The following EML6 variants were observed in gnomAD, a reference collection of about 807,000 sequenced individuals.
EML6 encodes EMAP like 6.
A neutral mutation model predicts 240.1 loss-of-function variants in EML6; 154 were observed. The observed-to-expected ratio is 0.64, with a 90% CI of 0.56 to 0.73. EML6 has a LOEUF of 0.73. EML6 is among the 30% of genes least tolerant of loss of function. EML6 has a pLI of 0.00. For missense variants in EML6, 2,964 were observed against 2,474.6 expected (o/e 1.20, Z -4.20); for synonymous variants, 1,148 against 899.0 (o/e 1.28, Z -4.95).
At chr2:54,907,930 AGATAGATAGATAGATAAGATAGATAGAT>A (rs202211019) in intron 24 of EML6, among the ~76,000 whole-genome samples, 2,918 of 62,902 alleles carry the variant, frequency 0.046, 56 homozygotes, top group South Asian at 0.18. Flanking sequence ...ATAGATAGAT[AGATAGATAGATAGATAAGATAGATAGAT>A]AGATAGATAG....
At chr2:54,847,741 A>AG in intron 9 of EML6, 118 bp downstream of exon 9, 5 of 1,036,728 alleles carry the variant, frequency 4.8e-6, no homozygotes, top group East Asian at 2.7e-5. Context: ...TTCAAATAGG[A>AG]ATACTATAGA....
intron 28 of EML6, among the ~76,000 whole-genome samples, chr2:54,937,860 A>T (rs7560191): frequency 0.31 from 47,377 of 151,870 alleles, 7,667 homozygotes; most frequent in African/African-American, 0.34. Flanking sequence ...ATCATTATGG[A>T]ATCTCTGACT....
intron 2 of EML6, among the ~76,000 whole-genome samples, chr2:54,800,586 G>T (rs1322811315): frequency 6.6e-6 from 1 of 151,946 alleles, no homozygotes; most frequent in Non-Finnish European, 1.5e-5. Flanking sequence ...AAGATATAAC[G>T]GCACCCTCCA....
At chr2:54,865,225 A>T (rs1238017947) in intron 13 of EML6, among the ~76,000 whole-genome samples, 2 of 151,666 alleles carry the variant, frequency 1.3e-5, no homozygotes, top group East Asian at 3.9e-4. Context: ...ACAGTGGCTC[A>T]TTCCTGTAAT....
At chr2:54,868,090 T>G (rs1671065938) in intron 14 of EML6, 1 of 152,208 alleles carries the variant, frequency 6.6e-6, no homozygotes, top group Non-Finnish European at 1.5e-5. Flanking sequence ...GAATGTAAGA[T>G]ATCTCATAAG....
chr2:54,806,490 G>C (rs1169213205), intron 2 of EML6, among the ~76,000 whole-genome samples: 1 of 151,796 alleles, frequency 6.6e-6, no homozygotes, highest in African/African-American at 2.4e-5. Flanking sequence ...GCACGTGCCT[G>C]TAATCCCAAC....
intron 2 of EML6, among the ~76,000 whole-genome samples, chr2:54,747,759 A>T (rs572803643): frequency 3.3e-4 from 50 of 152,272 alleles, no homozygotes; most frequent in Non-Finnish European, 4.7e-4. Flanking sequence ...ATTTCATCCC[A>T]TGTTATTTAT....
intron 5 of EML6, among the ~76,000 whole-genome samples, chr2:54,823,352 C>T (rs1238686286): frequency 6.6e-6 from 1 of 152,074 alleles, no homozygotes; most frequent in Non-Finnish European, 1.5e-5. Flanking sequence ...TTAAGAGAGG[C>T]ATTGGTCACC....
At chr2:54,900,051 T>C (rs920313341) in intron 22 of EML6, among the ~76,000 whole-genome samples, 3 of 152,214 alleles carry the variant, frequency 2.0e-5, no homozygotes, top group African/African-American at 7.2e-5. Flanking sequence ...TCCTTCCTCT[T>C]CTCATTGAGA....
chr2:54,908,284 A>C (rs1246865563), intron 24 of EML6, among the ~76,000 whole-genome samples: 1 of 149,932 alleles, frequency 6.7e-6, no homozygotes. Context: ...ATCTCAGATC[A>C]CTGCAATCTG....
intron 17 of EML6, chr2:54,881,564 G>T (rs1671809147): frequency 6.7e-6 from 1 of 149,050 alleles, no homozygotes; most frequent in African/African-American, 2.5e-5. Context: ...CAGGAAAATC[G>T]CTTGAACCTG....
chr2:54,737,270 C>T (rs545079593), intron 2 of EML6, among the ~76,000 whole-genome samples: 3 of 152,154 alleles, frequency 2.0e-5, no homozygotes, highest in South Asian at 4.2e-4. Context: ...ACAGCAGCAG[C>T]GACAACAATA....
chr2:54,777,810 A>G lies in EML6; in HGVS notation c.198-35422A>G, dbSNP rs1194164193. Among the ~76,000 whole-genome samples, 4 of 152,192 alleles carry G rather than the reference A, an allele frequency of 2.6e-5. No individual in the cohort carries two copies. In the East Asian group the frequency reaches 7.7e-4, roughly 29 times the overall value. On this transcript the variant is annotated intron_variant, in intron 2 of 41. Transcript: ENST00000356458. ...TACCCATGTTTTCTTTGGTAAAGAA[A>G]CTATCTTAAAATCCAAGATGTGGGT... is the stretch of plus-strand genomic sequence containing the variant.
intron 24 of EML6, among the ~76,000 whole-genome samples, chr2:54,910,711 T>C (rs1673594207): frequency 6.6e-6 from 1 of 152,258 alleles, no homozygotes; most frequent in Non-Finnish European, 1.5e-5. Context: ...TTTATTCTTC[T>C]GTTATTTGAA....
rs1682871387 is a variant in EML6 at position 54,725,499 on chromosome 2, C to T, written c.197+241C>T. 6.6e-6 allele frequency among the ~76,000 whole-genome samples: 1 copy of T among 152,130 alleles called. No homozygotes were observed. The highest frequency in any genetic ancestry group is 2.1e-4 in the South Asian group (1 of 4,824). Reference sequence around the variant, plus strand: ...CTCCGGAATTCTGGCTTTTAAATCTCCAAGGAGTTGAGTGTTCTGATGCTT... The same window carrying T: ...CTCCGGAATTCTGGCTTTTAAATCTTCAAGGAGTTGAGTGTTCTGATGCTT... On this transcript the variant is annotated intron_variant, in intron 2 of 41. Coordinates refer to ENST00000356458, the MANE Select transcript of EML6 (RefSeq NM_001039753.4). This position sits in a 1 kb window ranked among gnomAD's most constrained non-coding sequence, Gnocchi z 4.3.
chr2:54,866,711 A>AT, intron 13 of EML6, 55 bp from the exon 14 acceptor site: 1 of 1,009,642 alleles, frequency 9.9e-7, no homozygotes, highest in Non-Finnish European at 1.5e-6. Context: ...AGATGCTGAT[A>AT]TTTTTGGAAC....
chr2:54,956,221 A>C (rs1270651139), intron 32 of EML6, among the ~76,000 whole-genome samples: 2 of 151,506 alleles, frequency 1.3e-5, no homozygotes, highest in African/African-American at 4.9e-5. Context: ...GGCTTTGAAA[A>C]AATGTGCAAC....
At chr2:54,756,601 T>C (rs1378567073) in intron 2 of EML6, among the ~76,000 whole-genome samples, 2 of 151,800 alleles carry the variant, frequency 1.3e-5, no homozygotes, top group Non-Finnish European at 2.9e-5. Context: ...TTTTTAAGTT[T>C]ATATTTTCCT....
intron 38 of EML6, 147 bp downstream of exon 38, chr2:54,964,880 A>G: frequency 1.5e-6 from 1 of 665,918 alleles, no homozygotes; most frequent in Admixed American, 3.4e-5. Flanking sequence ...CTTTTTCCAT[A>G]TTTTATAAAT....
Sources: allele counts gnomAD v4.1 joint callset (sites outside exome capture counted in the v4.1 genomes callset), GRCh38; gene constraint gnomAD v4.1.1; non-coding constraint Gnocchi (gnomAD v3.1); transcripts MANE v1.5; gene names NCBI Gene and HGNC (gene_info 2026-07-23, HGNC 2026-07-21).